NXT2: variants seen among roughly 807,000 people sequenced by gnomAD.
NXT2 encodes nuclear transport factor 2 like export factor 2.
A neutral mutation model predicts 9.6 loss-of-function variants in NXT2; 1 was observed. The observed-to-expected ratio is 0.10, with a 90% CI of 0.04 to 0.49. The LOEUF (loss-of-function observed/expected upper bound fraction) is 0.49. Among genes scored for constraint, NXT2 ranks in the 20% least tolerant of loss-of-function variants. The probability of loss-of-function intolerance (pLI) is 0.95; values close to 1 mark genes in which losing one functional copy is unlikely to be tolerated. For missense variants in NXT2, 48 were observed against 100.3 expected, an observed-to-expected ratio of 0.48 and a Z score of 2.23; for synonymous variants, 22 against 35.4, an observed-to-expected ratio of 0.62 and a Z score of 1.34.
At position 109,539,490 on chromosome X, in the gene NXT2, A is replaced by G. The variant is rs980725758; in HGVS notation, c.102+1359A>G. ...GTTGAACTAATTTACATTCCCACCC[A>G]CAGTGTAAAAGCATTCCTATTTCTC... is the stretch of plus-strand genomic sequence containing the variant. On this transcript the variant is annotated intron_variant, in intron 2 of 3. Coordinates refer to ENST00000372106, the MANE Select transcript of NXT2 (RefSeq NM_001242617.2). 3.7e-5 allele frequency among the ~76,000 whole-genome samples: 4 copies of G among 109,371 alleles called. No homozygotes were observed. In the Admixed American group the frequency reaches 3.9e-4, roughly 11 times the overall value. 95.0% of individuals were successfully genotyped at this position (109,371 alleles called of 115,157 possible). A position where few individuals can be genotyped will look rare whatever the true frequency, so the allele number is the denominator to read the frequency against.
rs746113577 is a variant in NXT2, at chrX:109,542,496, T to C, written c.248-11T>C. On this transcript the variant is annotated splice_polypyrimidine_tract_variant and intron_variant, in intron 3 of 3. Transcript: ENST00000372106. ...ATGATGTGTTCTCTTTTTTTTTTAA[T>C]GTGGATGAAGAGCAAGCAACTCAGT... 1.9e-5 allele frequency: 22 copies of C among 1,163,463 alleles called. No individual in the cohort carries two copies. The highest frequency in any genetic ancestry group is 2.4e-5 in the Non-Finnish European group (21 of 870,902).
chrX:109,537,952 G>C, intron 1 of NXT2, 93 bp from the exon 2 acceptor site: 1 of 562,718 alleles, frequency 1.8e-6, no homozygotes, highest in Non-Finnish European at 3.1e-6. Context: ...GCTACATAGT[G>C]GTTGAAATAA....
rs749772750 is a variant in NXT2, at chrX:109,537,024, G to T, written c.15+3G>T. The T allele has an allele frequency of 3.3e-6, 4 of 1,207,683 alleles. No homozygotes were observed. Among genetic ancestry groups the T allele is most frequent in the Non-Finnish European group, 4.5e-6 (4 of 893,911 alleles). ...GGTCCCAGATGGCCACGTCTCTGGTGAGTGCCTGGGCCGTGGCAGGACGGC... is the reference window on the plus strand; with the variant it reads ...GGTCCCAGATGGCCACGTCTCTGGTTAGTGCCTGGGCCGTGGCAGGACGGC... On this transcript the variant is annotated splice_donor_region_variant and intron_variant, in intron 1 of 3. Coordinates refer to ENST00000372106, the MANE Select transcript of NXT2 (RefSeq NM_001242617.2).
At chrX:109,541,955 A>G (rs1373746906) in intron 3 of NXT2, among the ~76,000 whole-genome samples, 2 of 111,694 alleles carry the variant, frequency 1.8e-5, no homozygotes, top group Admixed American at 9.6e-5. Context: ...AAATTATACC[A>G]TATCTCTGAT....
rs1933453663 is a variant in NXT2 at position 109,543,068 on chromosome X, AT to A, written c.*384del. ...GTGGAGTTTTTTGGTTATTAGGTTA[AT>A]TTTCTAGTAAAACACGTTGCCTGTT... is the stretch of plus-strand genomic sequence containing the variant. On this transcript the variant is annotated 3_prime_UTR_variant, in exon 4 of 4. Coordinates refer to ENST00000372106, the MANE Select transcript of NXT2 (RefSeq NM_001242617.2). 2 of 114,854 alleles carry A rather than the reference AT, an allele frequency of 1.7e-5. No individual in the cohort carries two copies. The highest frequency in any genetic ancestry group is 1.9e-4 in the Admixed American group (2 of 10,483). 9.5% of individuals were successfully genotyped at this position (114,854 alleles called of 1,213,427 possible).
At chrX:109,542,454 T>A (rs991035248) in intron 3 of NXT2, 53 bp from the exon 4 acceptor site, 1 of 1,057,219 alleles carries the variant, frequency 9.5e-7, no homozygotes, top group African/African-American at 1.9e-5. Context: ...GAAAATCTGC[T>A]TATTTAGAGA....
chrX:109,542,125 G>T (rs945057604), intron 3 of NXT2, among the ~76,000 whole-genome samples: 1 of 111,094 alleles, frequency 9.0e-6, no homozygotes, highest in African/African-American at 3.3e-5. Context: ...GTAGTTCAGG[G>T]TGATTTTTTT....
intron 2 of NXT2, among the ~76,000 whole-genome samples, chrX:109,539,421 T>C (rs1251936999): frequency 9.0e-6 from 1 of 111,043 alleles, no homozygotes; most frequent in East Asian, 2.8e-4. Context: ...ATGGTATTTC[T>C]GGTTCTAGTT....
intron 2 of NXT2, among the ~76,000 whole-genome samples, chrX:109,539,331 CAT>C (rs777637097): frequency 6.6e-4 from 74 of 112,242 alleles, no homozygotes; most frequent in Non-Finnish European, 1.1e-3. Flanking sequence ...CCACAATAAA[CAT>C]ATGTGTGCAT....
At chrX:109,542,293 A>G (rs1206535110) in intron 3 of NXT2, among the ~76,000 whole-genome samples, 1 of 111,349 alleles carries the variant, frequency 9.0e-6, no homozygotes, top group Non-Finnish European at 1.9e-5. Context: ...GAGTATCCCA[A>G]AGTTTTCTGG....
chrX:109,537,722 G>C (rs1272083396), intron 1 of NXT2, among the ~76,000 whole-genome samples: 1 of 111,760 alleles, frequency 8.9e-6, no homozygotes, highest in Non-Finnish European at 1.9e-5. Flanking sequence ...CATTTTCATT[G>C]CCGTGAATGT....
rs1195427696 is a variant in NXT2 at position 109,544,412 on chromosome X, C to G, written c.*1724C>G. ...TTATTTTGGATTGATTTTCCAAAAC[C>G]ACAGCTTCAGCAGCAACAATCAGAA... On this transcript the variant is annotated 3_prime_UTR_variant, in exon 4 of 4. Coordinates refer to ENST00000372106, the MANE Select transcript of NXT2 (RefSeq NM_001242617.2). 8.9e-6 allele frequency: 1 copy of G among 112,302 alleles called. No individual in the cohort carries two copies. Among genetic ancestry groups the G allele is most frequent in the African/African-American group, 3.2e-5 (1 of 30,899 alleles). The allele number at this position is 112,302 out of a possible 1,213,427, so 9.3% of individuals were successfully genotyped here.
intron 2 of NXT2, among the ~76,000 whole-genome samples, chrX:109,539,521 C>T (rs1432382270): frequency 1.8e-5 from 2 of 108,851 alleles, no homozygotes; most frequent in Non-Finnish European, 3.8e-5. Context: ...TTCTCCACAT[C>T]CTCTCCAGCA....
chrX:109,543,166 T>G lies in NXT2; in HGVS notation c.*478T>G, dbSNP rs1285420314. 8.9e-6 allele frequency: 1 copy of G among 112,273 alleles called. No individual in the cohort carries two copies. The highest frequency in any genetic ancestry group is 1.9e-5 in the Non-Finnish European group (1 of 53,190). The allele number at this position is 112,273 out of a possible 1,213,427, so 9.3% of individuals were successfully genotyped here. On this transcript the variant is annotated 3_prime_UTR_variant, in exon 4 of 4. Transcript: ENST00000372106. Reference sequence around the variant, plus strand: ...TCAGTTCAGTGAAAATAGTACAGATTTAGGTTTACATAACTACTCTGACAT... The same window carrying G: ...TCAGTTCAGTGAAAATAGTACAGATGTAGGTTTACATAACTACTCTGACAT...
upstream of NXT2, chrX:109,535,825 G>C (rs1294623972): frequency 2.2e-6 from 2 of 901,601 alleles, no homozygotes; most frequent in African/African-American, 4.1e-5. Context: ...CTGAGAAGAA[G>C]CTTCCGTTAG....
chrX:109,540,873 C>T (rs1211424995), intron 2 of NXT2, among the ~76,000 whole-genome samples: 1 of 111,744 alleles, frequency 8.9e-6, no homozygotes, highest in Admixed American at 9.6e-5. Context: ...GATTTCTTGA[C>T]CCCAAGAGTT....
At position 109,542,801 on chromosome X, in the gene NXT2, A is replaced by C; in HGVS notation, c.*113A>C. ...TGTGCTGAAACTAAATTTCTTTAAT[A>C]TTTTCTATTCCTGTCAGCACCTTTT... On this transcript the variant is annotated 3_prime_UTR_variant, in exon 4 of 4. Coordinates refer to ENST00000372106, the MANE Select transcript of NXT2 (RefSeq NM_001242617.2). 1.7e-6 allele frequency: 1 copy of C among 595,619 alleles called. No homozygotes were observed. Among genetic ancestry groups the C allele is most frequent in the South Asian group, 4.4e-5 (1 of 22,805 alleles). The allele number at this position is 595,619 out of a possible 1,213,427, so 49.1% of individuals were successfully genotyped here. A position where few individuals can be genotyped will look rare whatever the true frequency, so the allele number is the denominator to read the frequency against.
upstream of NXT2, chrX:109,535,962 A>G (rs771282304): frequency 8.4e-7 from 1 of 1,191,440 alleles, no homozygotes; most frequent in Non-Finnish European, 1.1e-6. Flanking sequence ...GAGGGGCCAC[A>G]CACCAGCCAC....
At chrX:109,540,710 C>T (rs936839836) in intron 2 of NXT2, among the ~76,000 whole-genome samples, 2 of 112,165 alleles carry the variant, frequency 1.8e-5, no homozygotes, top group African/African-American at 6.5e-5. Flanking sequence ...ATTTCTGCCT[C>T]ATTTGGGCCT....
Sources: allele counts gnomAD v4.1 joint callset (sites outside exome capture counted in the v4.1 genomes callset), GRCh38; gene constraint gnomAD v4.1.1; transcripts MANE v1.5; gene names NCBI Gene and HGNC (gene_info 2026-07-23, HGNC 2026-07-21).